Variants in ABI3BP observed in about 807,000 individuals in gnomAD.
ABI3BP encodes ABI family member 3 binding protein.
ABI3BP carries 216 observed loss-of-function variants against 268.6 expected under a neutral mutation model. The observed-to-expected ratio is 0.80, with a 90% CI of 0.72 to 0.90. The LOEUF (loss-of-function observed/expected upper bound fraction) is 0.90. Ranked by LOEUF, ABI3BP falls within the 40% of genes least tolerant of loss-of-function variation. The pLI is 0.00. For missense variants in ABI3BP, 2,090 were observed against 2,182.4 expected (o/e 0.96, Z 0.84); for synonymous variants, 730 against 730.0 (o/e 1.00, Z 0.00).
intron 6 of ABI3BP, among the ~76,000 whole-genome samples, chr3:100,879,559 A>T (rs1318859): frequency 6.6e-6 from 1 of 152,010 alleles, no homozygotes; most frequent in Admixed American, 6.5e-5. Context: ...CAAACAAACC[A>T]TTTTTTGACA....
Position 100,822,629 on chromosome 3 carries a change from T to G in ABI3BP, c.2847A>C (p.Thr949=). The change falls in exon 38 of 68, where the codon ACA becomes ACC. Residue 949 remains threonine, a synonymous_variant. Transcript: ENST00000471714. ...SQRTRRPRLR[T]KTTPRPEAPE... Reference sequence around the variant, plus strand: ...GTGCTTCAGGACGTGGTGTGGTTTTTGTTCTGAGACGTGGACGACGTGTCC... The same window carrying G: ...GTGCTTCAGGACGTGGTGTGGTTTTGGTTCTGAGACGTGGACGACGTGTCC... 9.1e-6 allele frequency: 14 copies of G among 1,536,648 alleles called. No individual in the cohort carries two copies. The highest frequency in any genetic ancestry group is 1.2e-5 in the Non-Finnish European group (14 of 1,146,986).
At chr3:100,911,736 G>T in intron 2 of ABI3BP, 1 of 868,442 alleles carries the variant, frequency 1.2e-6, no homozygotes, top group Non-Finnish European at 2.0e-6. Context: ...AGGTTTCAAG[G>T]CATGTTTCAG....
chr3:100,772,128 A>G (rs2096563780), intron 61 of ABI3BP, among the ~76,000 whole-genome samples: 1 of 152,220 alleles, frequency 6.6e-6, no homozygotes, highest in Admixed American at 6.5e-5. Flanking sequence ...AATAAAAGAC[A>G]TCATTTAGAA....
intron 66 of ABI3BP, chr3:100,752,475 G>A (rs1329040949): frequency 8.2e-6 from 2 of 244,872 alleles, no homozygotes; most frequent in Admixed American, 9.9e-5. Context: ...TCACTTTATT[G>A]TCAGTCGGTT....
rs1160418520 is a variant in ABI3BP at position 100,839,561 on chromosome 3, A to G, written c.1945+8T>C. 2 of 1,535,706 alleles carry G rather than the reference A, an allele frequency of 1.3e-6. No individual in the cohort carries two copies. Among genetic ancestry groups the G allele is most frequent in the Non-Finnish European group, 1.7e-6 (2 of 1,146,662 alleles). ...TGAAAGCAGCCGTGGTGGAGGGAGT[A>G]GAATTACCAGTTGTGGGCACCAAGG... On this transcript the variant is annotated splice_region_variant and intron_variant, in intron 24 of 67. Coordinates refer to ENST00000471714, the MANE Select transcript of ABI3BP (RefSeq NM_001375547.2).
chr3:100,845,438 C>A (rs1461169106), intron 20 of ABI3BP, among the ~76,000 whole-genome samples: 1 of 152,140 alleles, frequency 6.6e-6, no homozygotes, highest in East Asian at 1.9e-4. Flanking sequence ...TGCTTCTTTA[C>A]AGGGAGTAAT....
chr3:100,938,190 T>C (rs1021951183), intron 1 of ABI3BP, among the ~76,000 whole-genome samples: 11 of 151,806 alleles, frequency 7.2e-5, no homozygotes, highest in Non-Finnish European at 1.3e-4. Flanking sequence ...AAAATAACCA[T>C]TGGGTACTAG....
intron 1 of ABI3BP, among the ~76,000 whole-genome samples, chr3:100,929,547 T>C (rs1583760822): frequency 6.6e-6 from 1 of 152,088 alleles, no homozygotes. Flanking sequence ...GAAAAATACA[T>C]ACAGACAAAT....
intron 23 of ABI3BP, 60 bp from the exon 24 acceptor site, chr3:100,839,676 GAC>G: frequency 2.0e-6 from 3 of 1,484,918 alleles, no homozygotes; most frequent in Non-Finnish European, 2.7e-6. Context: ...TGAGGAGGGA[GAC>G]ATTATGCCTC....
chr3:100,896,342 A>G (rs1257827385), intron 4 of ABI3BP, among the ~76,000 whole-genome samples: 1 of 152,072 alleles, frequency 6.6e-6, no homozygotes, highest in East Asian at 1.9e-4. Flanking sequence ...CTCTATATTC[A>G]TTATCTCCGG....
At chr3:100,841,927 A>G (rs888431597) in intron 21 of ABI3BP, 71 bp downstream of exon 21, 1 of 1,275,550 alleles carries the variant, frequency 7.8e-7, no homozygotes, top group Non-Finnish European at 1.1e-6. Context: ...CAAAACCCAA[A>G]GCTGAACAAA....
In ABI3BP at chr3:100,835,612, A is replaced by G. The variant is rs752006383; in HGVS notation, c.2180T>C (p.Val727Ala). The G allele has an allele frequency of 6.5e-7, 1 of 1,534,956 alleles. No individual in the cohort carries two copies. Among genetic ancestry groups the G allele is most frequent in the African/African-American group, 1.4e-5 (1 of 72,984 alleles). Residue 727 changes from valine (V) to alanine (A), a missense_variant, in exon 28 of 68, where the codon GTG (valine) becomes GCG (alanine). Physicochemically the swap from Val to Ala is moderately conservative, Grantham distance 64. Coordinates refer to ENST00000471714, the MANE Select transcript of ABI3BP (RefSeq NM_001375547.2). ...EPVTVRTEAT[V>A]TTLAPKTSQR... ...TAAGAGGTCATTACCTAATGTTGTC[A>G]CTGTAGCCTCAGTTCTCACAGTTAC...
At chr3:100,918,883 C>T (rs1488142465) in intron 2 of ABI3BP, among the ~76,000 whole-genome samples, 1 of 152,182 alleles carries the variant, frequency 6.6e-6, no homozygotes, top group Non-Finnish European at 1.5e-5. Context: ...AGCTTCAAAT[C>T]CTTTACCTGC....
At position 100,926,433 on chromosome 3, in the gene ABI3BP, A is replaced by C; in HGVS notation, c.128T>G (p.Ile43Ser). 3.7e-6 allele frequency: 6 copies of C among 1,613,408 alleles called. No homozygotes were observed. The highest frequency in any genetic ancestry group is 5.1e-6 in the Non-Finnish European group (6 of 1,179,542). Residue 43 changes from isoleucine to serine, a missense_variant, in exon 2 of 68, where the codon ATC (isoleucine) becomes AGC (serine). Coordinates refer to ENST00000471714, the MANE Select transcript of ABI3BP (RefSeq NM_001375547.2). ...KVHINTTSDS[I>S]LLKFLRPSPN... The stretch of plus-strand genomic sequence containing the variant: ...ACTTGGACGCAAGAACTTCAAGAGG[A>C]TGGAGTCACTTGTGGTATTGATGTG...
intron 1 of ABI3BP, among the ~76,000 whole-genome samples, chr3:100,947,125 A>C (rs949321361): frequency 3.9e-5 from 6 of 152,104 alleles, no homozygotes; most frequent in African/African-American, 1.4e-4. Flanking sequence ...TTTGAGTCTA[A>C]AATGTTTTTC....
At chr3:100,780,005 G>C (rs572690944) in intron 58 of ABI3BP, 127 bp downstream of exon 58, 11 of 743,406 alleles carry the variant, frequency 1.5e-5, no homozygotes, top group African/African-American at 1.4e-4. Flanking sequence ...CCCATGCACT[G>C]TGTGTGTGGT....
intron 1 of ABI3BP, among the ~76,000 whole-genome samples, chr3:100,987,747 G>A (rs2092182287): frequency 6.6e-6 from 1 of 152,146 alleles, no homozygotes; most frequent in Admixed American, 6.5e-5. Context: ...TTCTTCATCT[G>A]TGAAATGGAG....
At chr3:100,929,243 G>A (rs2062857834) in intron 1 of ABI3BP, among the ~76,000 whole-genome samples, 1 of 151,964 alleles carries the variant, frequency 6.6e-6, no homozygotes, top group South Asian at 2.1e-4. Context: ...TTTGCTCATG[G>A]ACTCTGGCCT....
intron 6 of ABI3BP, among the ~76,000 whole-genome samples, chr3:100,881,683 A>AG (rs895807135): frequency 6.6e-6 from 1 of 151,594 alleles, no homozygotes; most frequent in Non-Finnish European, 1.5e-5. Context: ...ATGGAAAAAA[A>AG]AAGCACAAGC....
Sources: gnomAD v4.1 joint callset for allele counts (sites outside exome capture counted in the v4.1 genomes callset) on GRCh38, gnomAD v4.1.1 for gene constraint, MANE v1.5 for transcripts, NCBI Gene and HGNC (gene_info 2026-07-23, HGNC 2026-07-21) for gene names.